Variants in HECTD4 observed in about 807,000 individuals in gnomAD.
HECTD4 encodes probable E3 ubiquitin-protein ligase HECTD4.
HECTD4 carries 114 observed loss-of-function variants against 471.5 expected under a neutral mutation model. That is an observed-to-expected ratio of 0.24 (90% CI 0.21 to 0.28). The LOEUF (loss-of-function observed/expected upper bound fraction) is 0.28, where lower values mean the gene tolerates loss of function less well. Ranked by LOEUF, HECTD4 falls within the 10% of genes least tolerant of loss-of-function variation. The probability of loss-of-function intolerance (pLI) is 1.00; values close to 1 mark genes in which losing one functional copy is unlikely to be tolerated. For synonymous variants in HECTD4, 2,012 were observed against 2,256.0 expected (o/e 0.89, Z 3.07); for missense variants, 3,866 against 5,651.5 (o/e 0.68, Z 10.13).
Position 112,167,388 on chromosome 12 carries a change from G to A in HECTD4, c.12463C>T (p.Pro4155Ser). 1 of 1,613,840 alleles carries A rather than the reference G, an allele frequency of 6.2e-7. No individual in the cohort carries two copies. The highest frequency in any genetic ancestry group is 8.5e-7 in the Non-Finnish European group (1 of 1,179,858). The change falls in exon 72 of 76, where the codon CCC becomes TCC. Residue 4155 changes from proline to serine, a missense_variant. This residue lies in a region of HECTD4 where 715 missense variants were observed against 1,087.6 expected (regional missense o/e 0.66). Transcript: ENST00000682272. ...PSFWKTLVGE[P>S]LDPEQDLQEA... Reference sequence around the variant, plus strand: ...TGCAGGTCTTGCTCAGGGTCCAAGGGCTCGCCCACCAGCGTCTTCCAGAAG... The same window carrying A: ...TGCAGGTCTTGCTCAGGGTCCAAGGACTCGCCCACCAGCGTCTTCCAGAAG...
intron 1 of HECTD4, among the ~76,000 whole-genome samples, chr12:112,374,704 G>GA (rs1250209098): frequency 6.6e-6 from 1 of 152,130 alleles, no homozygotes; most frequent in Non-Finnish European, 1.5e-5. Context: ...TTGCCCAAAG[G>GA]ATATATAGGC....
intron 60 of HECTD4, among the ~76,000 whole-genome samples, chr12:112,187,531 C>T (rs1293088665): frequency 6.6e-6 from 1 of 151,924 alleles, no homozygotes; most frequent in African/African-American, 2.4e-5. Flanking sequence ...AGACACCAGG[C>T]CCGGCCTGTA....
At chr12:112,167,695 C>A in intron 71 of HECTD4, 119 bp downstream of exon 71, 1 of 1,084,318 alleles carries the variant, frequency 9.2e-7, no homozygotes, top group South Asian at 1.3e-5. Flanking sequence ...CCTGTCCCCA[C>A]AGATTGGGAG....
intron 7 of HECTD4, among the ~76,000 whole-genome samples, chr12:112,287,140 C>T (rs561836946): frequency 2.6e-5 from 4 of 152,270 alleles, no homozygotes; most frequent in South Asian, 4.1e-4. Flanking sequence ...TTATGTGCCC[C>T]GCAAGCTAAA....
intron 1 of HECTD4, among the ~76,000 whole-genome samples, chr12:112,352,827 G>C (rs139822475): frequency 6.6e-6 from 1 of 151,784 alleles, no homozygotes; most frequent in Non-Finnish European, 1.5e-5. Context: ...GGCTGGTCTC[G>C]AACTCCAGGG....
intron 15 of HECTD4, 92 bp downstream of exon 15, chr12:112,265,786 T>C: frequency 1.1e-6 from 1 of 908,012 alleles, no homozygotes; most frequent in Non-Finnish European, 1.8e-6. Flanking sequence ...GTATTAGTTA[T>C]AACAGGAGAC....
At chr12:112,301,924 G>T in intron 7 of HECTD4, 1 of 1,015,776 alleles carries the variant, frequency 9.8e-7, no homozygotes, top group Non-Finnish European at 1.5e-6. Context: ...GCTTGGCAAT[G>T]CAAGCCACAG....
At chr12:112,320,437 C>T (rs918619783) in intron 1 of HECTD4, among the ~76,000 whole-genome samples, 3 of 152,226 alleles carry the variant, frequency 2.0e-5, no homozygotes. Flanking sequence ...CGGTGGCTCA[C>T]GCCTGTAATC....
intron 1 of HECTD4, among the ~76,000 whole-genome samples, chr12:112,377,758 TA>T (rs1218960449): frequency 7.2e-5 from 11 of 152,154 alleles, no homozygotes; most frequent in Middle Eastern, 3.4e-3. Context: ...TAATCCCAGC[TA>T]ACTGGAAGGC....
At chr12:112,369,428 G>A (rs891601758) in intron 1 of HECTD4, among the ~76,000 whole-genome samples, 7 of 144,090 alleles carry the variant, frequency 4.9e-5, no homozygotes, top group South Asian at 2.2e-4. Context: ...TACAACCTCC[G>A]CCTCTGAGGT....
At chr12:112,327,142 C>T (rs922904972) in intron 1 of HECTD4, among the ~76,000 whole-genome samples, 35 of 152,090 alleles carry the variant, frequency 2.3e-4, no homozygotes, top group Non-Finnish European at 4.7e-4. Flanking sequence ...CCTGGTGAAA[C>T]CCCGTCTCTA....
At position 112,289,921 on chromosome 12, in the gene HECTD4, C is replaced by T. The variant is rs184766359; in HGVS notation, c.1336-6619G>A. ...CCAACTCCTGACCTCAGGTAATCCT[C>T]CCGCTTCGGCCTCCCAAAGTGCTGG... On this transcript the variant is annotated intron_variant, in intron 7 of 75. Transcript: ENST00000682272. Among the ~76,000 whole-genome samples, 425 of 152,196 alleles carry T rather than the reference C, an allele frequency of 2.8e-3. 3 individuals carry two copies. Among genetic ancestry groups the T allele is most frequent in the Non-Finnish European group, 5.0e-3 (340 of 68,004 alleles).
chr12:112,350,934 G>C (rs751725123), intron 1 of HECTD4, among the ~76,000 whole-genome samples: 1 of 152,138 alleles, frequency 6.6e-6, no homozygotes, highest in Non-Finnish European at 1.5e-5. Flanking sequence ...TTTAAATTAA[G>C]GGCCCATTAG....
chr12:112,360,043 C>G (rs939756691), intron 1 of HECTD4, among the ~76,000 whole-genome samples: 2 of 152,206 alleles, frequency 1.3e-5, no homozygotes, highest in Non-Finnish European at 2.9e-5. Context: ...ATGACAATCA[C>G]ATGGACAAGA....
intron 1 of HECTD4, among the ~76,000 whole-genome samples, chr12:112,353,470 A>G (rs2036281676): frequency 6.6e-6 from 1 of 152,358 alleles, no homozygotes; most frequent in South Asian, 2.1e-4. Context: ...ATTGTCTTTT[A>G]TATTTTGTAA....
At chr12:112,359,721 C>G (rs937879437) in intron 1 of HECTD4, among the ~76,000 whole-genome samples, 6 of 151,786 alleles carry the variant, frequency 4.0e-5, no homozygotes, top group Non-Finnish European at 8.8e-5. Flanking sequence ...GCCTGGCCTA[C>G]ATTTTTTTTT....
chr12:112,190,862 C>A lies in HECTD4; in HGVS notation c.9396G>T (p.Glu3132Asp). The A allele has an allele frequency of 6.3e-7, 1 of 1,582,564 alleles. No individual in the cohort carries two copies. Among genetic ancestry groups the A allele is most frequent in the East Asian group, 2.3e-5 (1 of 43,118 alleles). The change falls in exon 60 of 76, where the codon GAG becomes GAT. Residue 3132 changes from glutamate to aspartate, a missense_variant. Physicochemically the swap from Glu to Asp is conservative, Grantham distance 45 (BLOSUM62 2). Transcript: ENST00000682272. ...FAEQLLSWKS[E>D]DSEGKSEDEP... is the part of the protein sequence containing the mutation. ...CATCTTCGGACTTCCCTTCACTGTC[C>A]TCTGATTTCCAGGACAGCAGCTGCT... is the stretch of plus-strand genomic sequence containing the variant.
Position 112,239,975 on chromosome 12 carries a change from C to T in HECTD4, c.5011G>A (p.Gly1671Ser), listed in dbSNP as rs1250067765. The T allele has an allele frequency of 1.9e-5, 31 of 1,613,972 alleles. No homozygotes were observed. Among genetic ancestry groups the T allele is most frequent in the Non-Finnish European group, 2.5e-5 (30 of 1,179,856 alleles). Residue 1671 changes from glycine to serine, a missense_variant, in exon 33 of 76, where the codon GGC (glycine) becomes AGC (serine). Physicochemically the swap from Gly to Ser is moderately conservative, Grantham distance 56. Around this residue, in one of 16 missense-constraint regions of HECTD4, gnomAD observed 229 missense variants for 386.4 expected, o/e 0.59. Transcript: ENST00000682272. The surrounding 1 kb of genome is among the most constrained non-coding windows in gnomAD (Gnocchi z 4.9). ...GACACAACAGAGGTCATGGTCTCGCCAAAGGCTTCCTGGACCTGCTCGACC... is the reference window on the plus strand; with the variant it reads ...GACACAACAGAGGTCATGGTCTCGCTAAAGGCTTCCTGGACCTGCTCGACC... Reference protein sequence around the residue: ...GMVEQVQEAFGETMTSVVSLC... With the variant: ...GMVEQVQEAFSETMTSVVSLC...
intron 9 of HECTD4, among the ~76,000 whole-genome samples, chr12:112,277,700 A>G (rs2034554783): frequency 6.6e-6 from 1 of 152,250 alleles, no homozygotes. Context: ...GCATGAATAG[A>G]GAATACTCTC....
Sources: allele counts gnomAD v4.1 joint callset (sites outside exome capture counted in the v4.1 genomes callset), GRCh38; gene constraint gnomAD v4.1.1; regional missense constraint gnomAD v4.1.1; non-coding constraint Gnocchi (gnomAD v3.1); transcripts MANE v1.5; gene names NCBI Gene and HGNC (gene_info 2026-07-23, HGNC 2026-07-21).